TRIO: variants seen among roughly 807,000 people sequenced by gnomAD.
The protein encoded by TRIO is trio Rho guanine nucleotide exchange factor, also known as triple functional domain protein.
A neutral mutation model predicts 351.9 loss-of-function variants in TRIO; 58 were observed. The observed-to-expected ratio is 0.16, with a 90% confidence interval of 0.13 to 0.21. The LOEUF (loss-of-function observed/expected upper bound fraction) is 0.21. Ranked by LOEUF, TRIO falls within the 10% of genes least tolerant of loss-of-function variation. TRIO has a pLI of 1.00. For missense variants in TRIO, 3,201 were observed against 4,027.8 expected, an observed-to-expected ratio of 0.79 and a Z score of 5.56; for synonymous variants, 1,758 against 1,595.7, an observed-to-expected ratio of 1.10 and a Z score of -2.42.
At chr5:14,402,930 G>C (rs921401726) in intron 31 of TRIO, among the ~76,000 whole-genome samples, 16 of 152,052 alleles carry the variant, frequency 1.1e-4, no homozygotes, top group Non-Finnish European at 2.2e-4. Flanking sequence ...TGGTCTAGAT[G>C]GTGTGGTGAG....
At chr5:14,152,452 C>T (rs960180742) in intron 1 of TRIO, among the ~76,000 whole-genome samples, 1 of 152,184 alleles carries the variant, frequency 6.6e-6, no homozygotes, top group Non-Finnish European at 1.5e-5. Context: ...CTCACTGCAA[C>T]CTCTGCCTCC....
intron 1 of TRIO, among the ~76,000 whole-genome samples, chr5:14,189,368 C>T (rs1178409767): frequency 6.6e-6 from 1 of 152,144 alleles, no homozygotes; most frequent in Non-Finnish European, 1.5e-5. Flanking sequence ...AAATCACTAG[C>T]CTAAATACAA....
At position 14,494,260 on chromosome 5, in the gene TRIO, C is replaced by T. The variant is rs550388628; in HGVS notation, c.7880+1446C>T. On this transcript the variant is annotated intron_variant, in intron 49 of 56. Coordinates refer to ENST00000344204, the MANE Select transcript of TRIO (RefSeq NM_007118.4). ...AGTATTATTTTACTGAATTTGATGG[C>T]AGTTTTTACAACTCTTCATCCCCCT... 7.6e-4 allele frequency among the ~76,000 whole-genome samples: 116 copies of T among 152,264 alleles called. 1 individual carries two copies. The highest frequency in any genetic ancestry group is 2.6e-3 in the African/African-American group (108 of 41,544).
Position 14,290,842 on chromosome 5 carries a change from T to C in TRIO, c.667T>C (p.Tyr223His), listed in dbSNP as rs367568938. 2 of 1,614,014 alleles carry C rather than the reference T, an allele frequency of 1.2e-6. No individual in the cohort carries two copies. The highest frequency in any genetic ancestry group is 1.7e-6 in the Non-Finnish European group (2 of 1,180,038). ...TGAAATCAGAGTTGCTTTTGAAGAC[T>C]ACATTAGCAATGCCACCCACATGCT... ...WIEIRVAFEDYISNATHMLSR... is the reference protein window; with the variant it reads ...WIEIRVAFEDHISNATHMLSR... Residue 223 changes from tyrosine to histidine, a missense_variant, in exon 5 of 57, where the codon TAC becomes CAC. By Grantham distance (83) the Tyr-to-His change is moderately conservative. Around this residue, in one of 19 missense-constraint regions of TRIO, gnomAD observed 349 missense variants for 449.3 expected, o/e 0.78. Transcript: ENST00000344204.
Position 14,508,521 on chromosome 5 carries a change from G to T in TRIO, c.*99G>T. ...AGCAAACATAACTGATCAGCTGCCG[G>T]TATGTTCATCGTGTGAAATTGCATT... On this transcript the variant is annotated 3_prime_UTR_variant, in exon 57 of 57. Transcript: ENST00000344204. The T allele has an allele frequency of 3.5e-6, 5 of 1,422,568 alleles. No individual in the cohort carries two copies. Among genetic ancestry groups the T allele is most frequent in the South Asian group, 2.8e-5 (2 of 72,096 alleles). The allele number at this position is 1,422,568 out of a possible 1,614,324, so 88.1% of individuals were successfully genotyped here. A position where few individuals can be genotyped will look rare whatever the true frequency, so the allele number is the denominator to read the frequency against.
chr5:14,394,755 A>C (rs1183564813), intron 28 of TRIO, among the ~76,000 whole-genome samples: 1 of 152,216 alleles, frequency 6.6e-6, no homozygotes, highest in Non-Finnish European at 1.5e-5. Flanking sequence ...TATAGTTAAA[A>C]TCACATTTAA....
At position 14,399,848 on chromosome 5, in the gene TRIO, C is replaced by T. The variant is rs560226764; in HGVS notation, c.4614+778C>T. Among the ~76,000 whole-genome samples, 287 of 152,098 alleles carry T rather than the reference C, an allele frequency of 1.9e-3. 2 individuals carry two copies. The highest frequency in any genetic ancestry group is 3.4e-3 in the Middle Eastern group (1 of 294). The stretch of plus-strand genomic sequence containing the variant: ...GCTGGGCAGGGCCAGGCAGAAGGGA[C>T]GATTGGGTTGCACTAAGGAGGAATC... On this transcript the variant is annotated intron_variant, in intron 30 of 56. Transcript: ENST00000344204.
At chr5:14,504,627 C>T (rs1468746028) in intron 55 of TRIO, 34 bp downstream of exon 55, 1 of 1,606,912 alleles carries the variant, frequency 6.2e-7, no homozygotes, top group Non-Finnish European at 8.5e-7. Context: ...TCTGCCCAGC[C>T]CTCTGCCTCC....
chr5:14,450,530 T>G (rs1218846154), intron 34 of TRIO, among the ~76,000 whole-genome samples: 1 of 152,128 alleles, frequency 6.6e-6, no homozygotes, highest in Non-Finnish European at 1.5e-5. Flanking sequence ...GGTTGAATCT[T>G]GGGATTATTT....
intron 9 of TRIO, among the ~76,000 whole-genome samples, chr5:14,326,690 C>T (rs999093044): frequency 6.6e-6 from 1 of 152,170 alleles, no homozygotes; most frequent in African/African-American, 2.4e-5. Context: ...ACAGGACTGT[C>T]TGGGAAGGGG....
intron 47 of TRIO, among the ~76,000 whole-genome samples, chr5:14,486,059 AAC>A (rs1399327721): frequency 6.6e-6 from 1 of 151,854 alleles, no homozygotes; most frequent in African/African-American, 2.4e-5. Flanking sequence ...GATGCTGCAG[AAC>A]ACAGCGGGCG....
chr5:14,298,507 C>T (rs1489896078), intron 7 of TRIO, among the ~76,000 whole-genome samples: 4 of 152,092 alleles, frequency 2.6e-5, no homozygotes, highest in Non-Finnish European at 4.4e-5. Flanking sequence ...GGCATTTGCA[C>T]GGATGCTTCT....
chr5:14,375,096 G>A (rs1291031235), intron 19 of TRIO, among the ~76,000 whole-genome samples: 8 of 152,170 alleles, frequency 5.3e-5, no homozygotes, highest in Non-Finnish European at 8.8e-5. Context: ...TCTACTGTCT[G>A]CTCATCTGAT....
chr5:14,386,402 A>T (rs1315982281), intron 21 of TRIO, among the ~76,000 whole-genome samples: 4 of 152,262 alleles, frequency 2.6e-5, no homozygotes, highest in Non-Finnish European at 5.9e-5. Flanking sequence ...TTCACAGGTT[A>T]CCCAGTGAAT....
At chr5:14,377,991 T>G in intron 19 of TRIO, 21 bp from the exon 20 acceptor site, 2 of 1,579,156 alleles carry the variant, frequency 1.3e-6, no homozygotes, top group Non-Finnish European at 1.7e-6. Flanking sequence ...CCAACATACA[T>G]CATTTTCTTT....
rs1744447836 is a variant in TRIO at position 14,364,745 on chromosome 5, G to A, written c.2683G>A (p.Ala895Thr). The change falls in exon 15 of 57, where the codon GCC (alanine) becomes ACC (threonine). Residue 895 changes from alanine (A) to threonine (T), a missense_variant. This residue lies in a region of TRIO where 363 missense variants were observed against 553.5 expected (regional missense o/e 0.66). Transcript: ENST00000344204. ...TGAAAAACAGCAGGAATTGGATTTA[G>A]CCGCAGAGCAGCATCGGAAACACCT... ...LHEKQQELDL[A>T]AEQHRKHLEQ... The A allele has an allele frequency of 7.4e-6, 12 of 1,612,738 alleles. No individual in the cohort carries two copies. The highest frequency in any genetic ancestry group is 1.1e-5 in the South Asian group (1 of 91,016).
intron 1 of TRIO, among the ~76,000 whole-genome samples, chr5:14,221,741 A>G (rs1042876622): frequency 5.9e-5 from 9 of 152,270 alleles, no homozygotes; most frequent in Non-Finnish European, 8.8e-5. Flanking sequence ...CTTCTCATGA[A>G]TGAGCAAAGA....
At chr5:14,485,979 ACT>A (rs1359522786) in intron 47 of TRIO, among the ~76,000 whole-genome samples, 1 of 150,918 alleles carries the variant, frequency 6.6e-6, no homozygotes, top group Non-Finnish European at 1.5e-5. Flanking sequence ...CAAGAGTGAA[ACT>A]CTGTCTCAAA....
In TRIO at chr5:14,291,134, C is replaced by T. The variant is rs201886294; in HGVS notation, c.959C>T (p.Ser320Leu). 1.3e-4 allele frequency: 215 copies of T among 1,614,130 alleles called. 1 individual carries two copies. Among genetic ancestry groups the T allele is most frequent in the Non-Finnish European group, 1.7e-4 (203 of 1,180,018 alleles). ...TCCACCATGCTGGACCGGCTGCACT[C>T]GACACGGCAGCATCTGCACCAGATG... ...KVSTMLDRLH[S>L]TRQHLHQMWH... The change falls in exon 5 of 57, where the codon TCG (serine) becomes TTG (leucine). Residue 320 changes from serine (S) to leucine (L), a missense_variant. Physicochemically the swap from Ser to Leu is moderately radical, Grantham distance 145 (BLOSUM62 -2). Coordinates refer to ENST00000344204, the MANE Select transcript of TRIO (RefSeq NM_007118.4).
Sources: gnomAD v4.1 joint callset for allele counts (sites outside exome capture counted in the v4.1 genomes callset) on GRCh38, gnomAD v4.1.1 for gene constraint, gnomAD v4.1.1 regional missense constraint, MANE v1.5 for transcripts, NCBI Gene and HGNC (gene_info 2026-07-23, HGNC 2026-07-21) for gene names.